The following SGTA variants were observed in gnomAD, a reference collection of about 807,000 sequenced individuals.
The protein encoded by SGTA is small glutamine-rich tetratricopeptide repeat-containing protein alpha.
Under a neutral mutation model 44.3 loss-of-function variants are expected in SGTA, and 22 were observed. The ratio of observed to expected loss-of-function variants is 0.50; its 90% CI spans 0.36 to 0.71. The LOEUF is 0.71. Ranked by LOEUF, SGTA falls within the 30% of genes least tolerant of loss-of-function variation. SGTA has a pLI of 0.00. For synonymous variants in SGTA, 174 were observed against 177.6 expected, an observed-to-expected ratio of 0.98 and a Z score of 0.16; for missense variants, 341 against 435.9, an observed-to-expected ratio of 0.78 and a Z score of 1.94.
intron 1 of SGTA, among the ~76,000 whole-genome samples, chr19:2,779,871 A>C (rs1467687130): frequency 6.6e-6 from 1 of 152,164 alleles, no homozygotes; most frequent in Non-Finnish European, 1.5e-5. Flanking sequence ...CCAGGTGTTT[A>C]AGACCAGCTT....
rs1463691323 is a variant in SGTA, at chr19:2,754,954, G to A, written c.*986C>T. On this transcript the variant is annotated 3_prime_UTR_variant, in exon 12 of 12. Transcript: ENST00000221566. The surrounding 1 kb of genome is among the most constrained non-coding windows in gnomAD (Gnocchi z 4.4). ...GCCGTGGGCTCGTCTGCCACCCCCA[G>A]GCCTCAGGAACCCAGACAGGCTGCC... is the stretch of plus-strand genomic sequence containing the variant. 1 of 152,206 alleles carries A rather than the reference G, an allele frequency of 6.6e-6. No homozygotes were observed. The highest frequency in any genetic ancestry group is 2.4e-5 in the African/African-American group (1 of 41,452). 9.4% of individuals were successfully genotyped at this position (152,206 alleles called of 1,614,324 possible).
In SGTA at chr19:2,776,696, T is replaced by C. The variant is rs533611042; in HGVS notation, c.-24+6537A>G. On this transcript the variant is annotated intron_variant, in intron 1 of 11. Transcript: ENST00000221566. Reference sequence around the variant, plus strand: ...TAAGATGGTAATTTTTGGCCTGGCATGGTGGCTCACGCCTGTAATCCCAGA... The same window carrying C: ...TAAGATGGTAATTTTTGGCCTGGCACGGTGGCTCACGCCTGTAATCCCAGA... 4.2e-4 allele frequency among the ~76,000 whole-genome samples: 64 copies of C among 152,342 alleles called. 1 individual carries two copies. The highest frequency in any genetic ancestry group is 1.4e-3 in the African/African-American group (60 of 41,580).
chr19:2,768,949 A>T lies in SGTA; in HGVS notation c.100+20T>A, dbSNP rs752839724. ...TGGCCGCTGCCCGGGGAGAGGGGGA[A>T]GTGGCAGGCACCCACCTACCTTCCA... On this transcript the variant is annotated intron_variant, in intron 2 of 11. Transcript: ENST00000221566. 6.4e-7 allele frequency: 1 copy of T among 1,567,148 alleles called. No homozygotes were observed. Among genetic ancestry groups the T allele is most frequent in the Non-Finnish European group, 8.8e-7 (1 of 1,138,006 alleles).
chr19:2,776,259 G>A (rs750664915), intron 1 of SGTA, among the ~76,000 whole-genome samples: 62 of 152,216 alleles, frequency 4.1e-4, no homozygotes, highest in African/African-American at 8.7e-4. Flanking sequence ...TTTTAAGCAC[G>A]TTTTGACAAC....
chr19:2,757,843 C>T (rs544012055), intron 9 of SGTA, 61 bp from the exon 10 acceptor site: 40 of 1,144,360 alleles, frequency 3.5e-5, no homozygotes, highest in Non-Finnish European at 4.9e-5. Context: ...CCACTGCAGG[C>T]CCTCGCAGTG....
chr19:2,776,089 C>A (rs1002310096), intron 1 of SGTA, among the ~76,000 whole-genome samples: 1 of 152,162 alleles, frequency 6.6e-6, no homozygotes, highest in African/African-American at 2.4e-5. Flanking sequence ...AGTCAACCAC[C>A]ACCAGAAAGT....
intron 1 of SGTA, among the ~76,000 whole-genome samples, chr19:2,778,935 A>C (rs1437256399): frequency 6.6e-6 from 1 of 152,174 alleles, no homozygotes. Flanking sequence ...GAGCAAGCTC[A>C]ATTTTTTTCC....
chr19:2,768,977 C>T lies in SGTA; in HGVS notation c.92G>A (p.Ser31Asn). ...GGCAGGCACCCACCTACCTTCCAAG[C>T]TCTCCTGAGCATCGGACGAGAGGCC... is the stretch of plus-strand genomic sequence containing the variant. ...HGGLSSDAQE[S>N]LEVAIQCLET... is the part of the protein sequence containing the mutation. Residue 31 changes from serine (S) to asparagine (N), a missense_variant, in exon 2 of 12, where the codon AGC becomes AAC. Coordinates refer to ENST00000221566, the MANE Select transcript of SGTA (RefSeq NM_003021.4). 6 of 1,613,044 alleles carry T rather than the reference C, an allele frequency of 3.7e-6. No homozygotes were observed. Among genetic ancestry groups the T allele is most frequent in the Non-Finnish European group, 5.1e-6 (6 of 1,179,334 alleles).
At chr19:2,764,982 C>T (rs1471075979) in intron 5 of SGTA, among the ~76,000 whole-genome samples, 2 of 152,128 alleles carry the variant, frequency 1.3e-5, no homozygotes, top group African/African-American at 2.4e-5. Flanking sequence ...GAGTGCTGGG[C>T]GTGCTACCTG....
At chr19:2,757,651 G>T (rs780560915) in intron 10 of SGTA, 42 bp downstream of exon 10, 1 of 1,489,736 alleles carries the variant, frequency 6.7e-7, no homozygotes, top group Non-Finnish European at 9.0e-7. Context: ...AGCCCTGCCC[G>T]CCGCCCACGT....
Position 2,762,525 on chromosome 19 carries a change from A to G in SGTA, c.617T>C (p.Leu206Pro). 1.2e-6 allele frequency: 2 copies of G among 1,613,898 alleles called. No individual in the cohort carries two copies. The highest frequency in any genetic ancestry group is 1.7e-6 in the Non-Finnish European group (2 of 1,179,956). ...ACTCACGGGGCTGGGGGCCTCCCGC[A>G]GCTTCAGCTCCGCTATCTTGAGGTT... ...KSNLKIAELKLREAPSPTGGV... is the reference protein window; with the variant it reads ...KSNLKIAELKPREAPSPTGGV... The change falls in exon 7 of 12, where the codon CTG (leucine) becomes CCG (proline). Residue 206 changes from leucine to proline, a missense_variant. By Grantham distance (98) the Leu-to-Pro change is moderately conservative. Transcript: ENST00000221566.
chr19:2,772,865 G>C (rs10412297), intron 1 of SGTA, among the ~76,000 whole-genome samples: 882 of 68,648 alleles, frequency 0.013, 22 homozygotes, highest in African/African-American at 0.07. Flanking sequence ...CGCGGCCACA[G>C]GGCAGGGACA....
At chr19:2,776,326 C>G (rs796241772) in intron 1 of SGTA, among the ~76,000 whole-genome samples, 6 of 152,344 alleles carry the variant, frequency 3.9e-5, no homozygotes, top group African/African-American at 1.4e-4. Flanking sequence ...GTGAGTGGAT[C>G]AACACAATGT....
chr19:2,758,516 CA>C (rs11400903), intron 9 of SGTA, among the ~76,000 whole-genome samples: 287 of 135,270 alleles, frequency 2.1e-3, no homozygotes, highest in Middle Eastern at 3.8e-3. Flanking sequence ...GATTCTGTCT[CA>C]AAAAAAAAAA....
chr19:2,780,577 A>C (rs2144745027), intron 1 of SGTA, among the ~76,000 whole-genome samples: 1 of 152,246 alleles, frequency 6.6e-6, no homozygotes, highest in East Asian at 1.9e-4. Flanking sequence ...GCCAGGAGAG[A>C]ATCTAGTATT....
In SGTA at chr19:2,767,822, C is replaced by A; in HGVS notation, c.101-136G>T. 1.5e-6 allele frequency: 1 copy of A among 683,196 alleles called. No individual in the cohort carries two copies. The highest frequency in any genetic ancestry group is 2.7e-5 in the East Asian group (1 of 36,676). The allele number at this position is 683,196 out of a possible 1,614,324, so 42.3% of individuals were successfully genotyped here. On this transcript the variant is annotated intron_variant, in intron 2 of 11. Transcript: ENST00000221566. The surrounding 1 kb of genome is among the most constrained non-coding windows in gnomAD (Gnocchi z 7.3). ...AAGGACCCCAGAACGCAGGGGCCGC[C>A]GCCTGTGCTCTGGGCTGGGACAGTG...
In SGTA at chr19:2,769,441, C is replaced by T. The variant is rs997283700; in HGVS notation, c.-23-350G>A. ...GCTTCTGGCATGAGGTGGGTGGGGGCCAGGGATGCTGCCCAGCACCCTGCA... is the reference window on the plus strand; with the variant it reads ...GCTTCTGGCATGAGGTGGGTGGGGGTCAGGGATGCTGCCCAGCACCCTGCA... On this transcript the variant is annotated intron_variant, in intron 1 of 11. Coordinates refer to ENST00000221566, the MANE Select transcript of SGTA (RefSeq NM_003021.4). 2.0e-5 allele frequency among the ~76,000 whole-genome samples: 3 copies of T among 152,140 alleles called. No individual in the cohort carries two copies. The East Asian group carries it at 5.8e-4, about 29-fold the overall frequency.
At chr19:2,769,951 T>C (rs180988573) in intron 1 of SGTA, among the ~76,000 whole-genome samples, 4 of 14,310 alleles carry the variant, frequency 2.8e-4, no homozygotes, top group African/African-American at 4.5e-4. Context: ...GGTTCCCCCC[T>C]CGGACACCCG....
At chr19:2,758,540 A>G (rs1914894529) in intron 9 of SGTA, among the ~76,000 whole-genome samples, 1 of 152,080 alleles carries the variant, frequency 6.6e-6, no homozygotes, top group South Asian at 2.1e-4. Flanking sequence ...GGAGAAAGAA[A>G]AAAAGATTTC....
Sources: gnomAD v4.1 joint callset for allele counts (sites outside exome capture counted in the v4.1 genomes callset) on GRCh38, gnomAD v4.1.1 for gene constraint, Gnocchi (gnomAD v3.1) non-coding constraint, MANE v1.5 for transcripts, NCBI Gene and HGNC (gene_info 2026-07-23, HGNC 2026-07-21) for gene names.